FOXP1: variants seen among roughly 807,000 people sequenced by gnomAD.
The protein encoded by FOXP1 is forkhead box protein P1.
Under a neutral mutation model 98.2 loss-of-function variants are expected in FOXP1, and 15 were observed. The observed-to-expected ratio is 0.15, with a 90% confidence interval of 0.10 to 0.24. The LOEUF is 0.24. Ranked by LOEUF, FOXP1 falls within the 10% of genes least tolerant of loss-of-function variation. The pLI, the probability that FOXP1 is intolerant of heterozygous loss-of-function variation, is 1.00. For missense variants in FOXP1, 633 were observed against 848.5 expected, an observed-to-expected ratio of 0.75 and a Z score of 3.15; for synonymous variants, 371 against 314.5, an observed-to-expected ratio of 1.18 and a Z score of -1.90.
rs527715920 is a variant in FOXP1, at chr3:71,060,611, G to T, written c.283-6838C>A. 3.3e-5 allele frequency among the ~76,000 whole-genome samples: 5 copies of T among 152,192 alleles called. No homozygotes were observed. The South Asian group carries it at 1.0e-3, about 32-fold the overall frequency. On this transcript the variant is annotated intron_variant, in intron 7 of 20. Transcript: ENST00000649528. ...CTGCCACAACTGTAACAGGTTAGAT[G>T]AAAAAAATCAAAATTTAATGTATTC...
intron 6 of FOXP1, among the ~76,000 whole-genome samples, chr3:71,178,400 C>T (rs1361478008): frequency 2.6e-5 from 4 of 151,782 alleles, no homozygotes; most frequent in Admixed American, 6.6e-5. Flanking sequence ...TCTCAAAGTG[C>T]TGGGATGAGA....
At chr3:71,492,666 G>A (rs933352019) in intron 3 of FOXP1, among the ~76,000 whole-genome samples, 2 of 152,072 alleles carry the variant, frequency 1.3e-5, no homozygotes, top group South Asian at 2.1e-4. Flanking sequence ...AAATGATAAG[G>A]TTCTCCATGA....
intron 3 of FOXP1, among the ~76,000 whole-genome samples, chr3:71,431,749 C>G (rs2084741046): frequency 6.6e-6 from 1 of 152,238 alleles, no homozygotes; most frequent in Admixed American, 6.5e-5. Flanking sequence ...CGAATGGAGA[C>G]TAACTTTTCC....
chr3:71,570,369 A>G (rs1335416173), intron 2 of FOXP1: 4 of 151,978 alleles, frequency 2.6e-5, no homozygotes, highest in African/African-American at 9.7e-5. Flanking sequence ...TATTCATTGT[A>G]AGACTCTCCC....
chr3:71,410,654 A>AT (rs2082662440), intron 3 of FOXP1, among the ~76,000 whole-genome samples: 1 of 152,122 alleles, frequency 6.6e-6, no homozygotes, highest in South Asian at 2.1e-4. Context: ...GCTTTAATAC[A>AT]TTTTTTTAAA....
At chr3:71,536,532 A>G (rs534744193) in intron 2 of FOXP1, among the ~76,000 whole-genome samples, 11 of 152,038 alleles carry the variant, frequency 7.2e-5, no homozygotes, top group Middle Eastern at 6.9e-3. Context: ...TCATAAATAA[A>G]GAGCTTGCAT....
chr3:70,969,623 T>C (rs2035756877), intron 19 of FOXP1: 1 of 152,256 alleles, frequency 6.6e-6, no homozygotes, highest in Admixed American at 6.5e-5. Flanking sequence ...ACTAAAGGTC[T>C]CAACTGTTTT....
At chr3:71,375,118 G>A (rs1217444658) in intron 3 of FOXP1, among the ~76,000 whole-genome samples, 1 of 152,132 alleles carries the variant, frequency 6.6e-6, no homozygotes, top group African/African-American at 2.4e-5. Flanking sequence ...AGACTAAGGA[G>A]AGAAAAAAAT....
intron 7 of FOXP1, among the ~76,000 whole-genome samples, chr3:71,107,258 AAAAC>A (rs2057519906): frequency 6.6e-6 from 1 of 152,180 alleles, no homozygotes; most frequent in Non-Finnish European, 1.5e-5. Context: ...CTATCAAAGA[AAAAC>A]AAAATCTTAA....
chr3:71,436,192 T>C (rs1319198080), intron 3 of FOXP1, among the ~76,000 whole-genome samples: 1 of 151,998 alleles, frequency 6.6e-6, no homozygotes, highest in Non-Finnish European at 1.5e-5. Flanking sequence ...TCAAAAGGCA[T>C]TGTCTCCCCG....
At chr3:71,061,144 T>G (rs1350113473) in intron 7 of FOXP1, among the ~76,000 whole-genome samples, 1 of 151,312 alleles carries the variant, frequency 6.6e-6, no homozygotes, top group Non-Finnish European at 1.5e-5. Flanking sequence ...TGTCACTTGG[T>G]GGGGGTGGGA....
At chr3:71,396,121 G>A (rs1157370538) in intron 3 of FOXP1, among the ~76,000 whole-genome samples, 1 of 152,156 alleles carries the variant, frequency 6.6e-6, no homozygotes, top group Non-Finnish European at 1.5e-5. Flanking sequence ...ATAGGGCAGA[G>A]CTGAGTCAAG....
intron 7 of FOXP1, among the ~76,000 whole-genome samples, chr3:71,059,607 T>G (rs1452771394): frequency 6.6e-6 from 1 of 152,182 alleles, no homozygotes; most frequent in East Asian, 1.9e-4. Context: ...TATTATTATT[T>G]AAATCAAGAA....
chr3:71,208,502 TTTTC>T (rs1176503896), intron 5 of FOXP1, among the ~76,000 whole-genome samples: 3 of 150,230 alleles, frequency 2.0e-5, no homozygotes, highest in African/African-American at 2.5e-5. Flanking sequence ...AAGTTCCCCT[TTTTC>T]TTTCTTTATC....
intron 3 of FOXP1, among the ~76,000 whole-genome samples, chr3:71,416,177 C>G (rs550317784): frequency 6.6e-6 from 1 of 151,866 alleles, no homozygotes; most frequent in Non-Finnish European, 1.5e-5. Context: ...TGTATAAAAC[C>G]GAAAGGGATG....
intron 3 of FOXP1, among the ~76,000 whole-genome samples, chr3:71,418,948 A>AG (rs981412707): frequency 2.6e-5 from 4 of 151,138 alleles, no homozygotes; most frequent in Non-Finnish European, 4.4e-5. Context: ...AAAAAAAAAA[A>AG]AAAAGCCGGG....
chr3:71,381,253 C>A (rs568501018), intron 3 of FOXP1, among the ~76,000 whole-genome samples: 131 of 151,386 alleles, frequency 8.7e-4, no homozygotes, highest in African/African-American at 3.1e-3. Flanking sequence ...CGGGTTCACG[C>A]CATTCTCCTG....
chr3:71,218,904 C>A (rs2065143068), intron 5 of FOXP1, among the ~76,000 whole-genome samples: 1 of 152,174 alleles, frequency 6.6e-6, no homozygotes, highest in Non-Finnish European at 1.5e-5. Flanking sequence ...CTTCTCAGAG[C>A]TGCAGTCCCT....
chr3:71,431,776 T>A (rs1323012047), intron 3 of FOXP1, among the ~76,000 whole-genome samples: 2 of 152,236 alleles, frequency 1.3e-5, no homozygotes, highest in Non-Finnish European at 2.9e-5. Flanking sequence ...CCCGATGACC[T>A]TGGGTCAAAT....
Sources: allele counts gnomAD v4.1 joint callset (sites outside exome capture counted in the v4.1 genomes callset), GRCh38; gene constraint gnomAD v4.1.1; transcripts MANE v1.5; gene names NCBI Gene and HGNC (gene_info 2026-07-23, HGNC 2026-07-21).